The following CLYBL variants were observed in gnomAD, a reference collection of about 807,000 sequenced individuals.
The protein encoded by CLYBL is citramalyl-CoA lyase, mitochondrial.
Under a neutral mutation model 38.9 loss-of-function variants are expected in CLYBL, and 31 were observed. The ratio of observed to expected loss-of-function variants is 0.80; its 90% confidence interval spans 0.60 to 1.08. The LOEUF is 1.08. Among genes scored for constraint, CLYBL ranks in the 50% least tolerant of loss-of-function variants. The probability of loss-of-function intolerance (pLI) is 0.00; values close to 1 mark genes in which losing one functional copy is unlikely to be tolerated. For missense variants in CLYBL, 434 were observed against 411.6 expected (o/e 1.05, Z -0.47); for synonymous variants, 171 against 158.6 (o/e 1.08, Z -0.59).
At chr13:99,612,874 A>G (rs1223671554) in intron 1 of CLYBL, among the ~76,000 whole-genome samples, 1 of 151,666 alleles carries the variant, frequency 6.6e-6, no homozygotes, top group East Asian at 1.9e-4. Flanking sequence ...AGTTAGCTGG[A>G]TGTGGTGGCT....
chr13:99,627,587 T>C lies in CLYBL; in HGVS notation c.62+20830T>C, dbSNP rs1197197391. Among the ~76,000 whole-genome samples the C allele has an allele frequency of 1.7e-4, 26 of 152,248 alleles. 1 individual carries two copies. On this transcript the variant is annotated intron_variant, in intron 1 of 8. Coordinates refer to ENST00000339105, the MANE Select transcript of CLYBL (RefSeq NM_206808.5). ...CACTTATGTGGCATTTTGTTTTATT[T>C]GAATTTGAAATTTTTTTTAAGTTTT...
chr13:99,714,218 G>A (rs1056519773), intron 1 of CLYBL, among the ~76,000 whole-genome samples: 7 of 152,030 alleles, frequency 4.6e-5, no homozygotes, highest in Non-Finnish European at 4.4e-5. Context: ...TGCATTGTCC[G>A]TTTCTCTTGA....
chr13:99,734,725 G>A (rs1188777038), intron 1 of CLYBL, among the ~76,000 whole-genome samples: 1 of 152,104 alleles, frequency 6.6e-6, no homozygotes, highest in Non-Finnish European at 1.5e-5. Context: ...CCCATGTACT[G>A]CCCATTTTTG....
At position 99,724,777 on chromosome 13, in the gene CLYBL, CTT is replaced by C. The variant is rs2048445803; in HGVS notation, c.63-48045_63-48044del. On this transcript the variant is annotated intron_variant, in intron 1 of 8. Transcript: ENST00000339105. Reference sequence around the variant, plus strand: ...AAAAAGTTAGAGATGTCTTAGGACACTTTGTTCTTATATTCAGGAACAATCTT... The same window carrying C: ...AAAAAGTTAGAGATGTCTTAGGACACTGTTCTTATATTCAGGAACAATCTT... Among the ~76,000 whole-genome samples the C allele has an allele frequency of 4.6e-5, 7 of 152,300 alleles. No individual in the cohort carries two copies. In the South Asian group the frequency reaches 1.4e-3, roughly 32 times the overall value.
chr13:99,715,399 TTTTTTC>T (rs982309776), intron 1 of CLYBL, among the ~76,000 whole-genome samples: 1 of 151,798 alleles, frequency 6.6e-6, no homozygotes, highest in African/African-American at 2.4e-5. Flanking sequence ...GAGATTTTCT[TTTTTTC>T]TTTTTCTTTT....
chr13:99,706,420 G>A (rs1041156570), intron 1 of CLYBL, among the ~76,000 whole-genome samples: 1 of 152,096 alleles, frequency 6.6e-6, no homozygotes. Context: ...AGTCTCCTGG[G>A]GTTCCAGTTA....
chr13:99,874,897 G>C (rs1162750419), intron 7 of CLYBL, among the ~76,000 whole-genome samples: 1 of 152,158 alleles, frequency 6.6e-6, no homozygotes, highest in Non-Finnish European at 1.5e-5. Flanking sequence ...AGAATGCGAA[G>C]GAATAGCACA....
intron 1 of CLYBL, among the ~76,000 whole-genome samples, chr13:99,636,389 G>A (rs999057646): frequency 6.6e-6 from 1 of 152,214 alleles, no homozygotes; most frequent in African/African-American, 2.4e-5. Flanking sequence ...GTTAGCTCCT[G>A]ATGCTTGAAA....
At chr13:99,860,044 T>C (rs2051561877) in intron 3 of CLYBL, among the ~76,000 whole-genome samples, 1 of 152,130 alleles carries the variant, frequency 6.6e-6, no homozygotes, top group South Asian at 2.1e-4. Flanking sequence ...ATGCACCCGA[T>C]GTGTGAGGTC....
chr13:99,761,548 G>A (rs1342801530), intron 1 of CLYBL, among the ~76,000 whole-genome samples: 3 of 152,028 alleles, frequency 2.0e-5, no homozygotes, highest in Admixed American at 6.5e-5. Context: ...ACACATTCAC[G>A]TAACAGTTTC....
At chr13:99,737,027 C>T (rs1183256873) in intron 1 of CLYBL, among the ~76,000 whole-genome samples, 1 of 152,028 alleles carries the variant, frequency 6.6e-6, no homozygotes, top group Non-Finnish European at 1.5e-5. Context: ...AGACAATATA[C>T]ATAGATAATC....
At chr13:99,892,039 C>G (rs779491417) in intron 8 of CLYBL, 4 of 152,194 alleles carry the variant, frequency 2.6e-5, no homozygotes, top group African/African-American at 9.6e-5. Context: ...AACCGCTAGA[C>G]GATGAACACG....
At chr13:99,892,061 C>T (rs2052502825) in intron 8 of CLYBL, 1 of 152,218 alleles carries the variant, frequency 6.6e-6, no homozygotes, top group African/African-American at 2.4e-5. Flanking sequence ...AAGCTGTCAT[C>T]CTGGGTGAAT....
intron 2 of CLYBL, among the ~76,000 whole-genome samples, chr13:99,798,901 C>A (rs997820323): frequency 2.6e-5 from 4 of 152,110 alleles, no homozygotes; most frequent in Non-Finnish European, 4.4e-5. Context: ...ATTTTTAAAT[C>A]CTGGGAAACA....
At chr13:99,694,514 A>G (rs1342739576) in intron 1 of CLYBL, among the ~76,000 whole-genome samples, 2 of 152,200 alleles carry the variant, frequency 1.3e-5, no homozygotes, top group Admixed American at 6.5e-5. Context: ...GGCCACCTCT[A>G]TAAATGGCTG....
Position 99,684,828 on chromosome 13 carries a change from C to T in CLYBL, c.62+78071C>T, listed in dbSNP as rs2047794155. 2.0e-5 allele frequency among the ~76,000 whole-genome samples: 3 copies of T among 152,262 alleles called. No homozygotes were observed. In the South Asian group the frequency reaches 6.2e-4, roughly 32 times the overall value. On this transcript the variant is annotated intron_variant, in intron 1 of 8. Coordinates refer to ENST00000339105, the MANE Select transcript of CLYBL (RefSeq NM_206808.5). ...CATGGGTTGGAGTGAACACTTGAAC[C>T]AAAGGTTACTGTATTGTATGTTCCT...
chr13:99,885,812 T>G (rs1350503110), intron 7 of CLYBL, among the ~76,000 whole-genome samples: 1 of 152,142 alleles, frequency 6.6e-6, no homozygotes, highest in Non-Finnish European at 1.5e-5. Context: ...TGAGAGTGTC[T>G]CCGGGAGCAT....
chr13:99,735,571 G>A (rs995670455), intron 1 of CLYBL, among the ~76,000 whole-genome samples: 3 of 151,962 alleles, frequency 2.0e-5, no homozygotes, highest in Non-Finnish European at 4.4e-5. Flanking sequence ...GTGCAGTGCA[G>A]TGCCCTGAGA....
At chr13:99,659,593 C>T (rs2139327091) in intron 1 of CLYBL, among the ~76,000 whole-genome samples, 1 of 152,258 alleles carries the variant, frequency 6.6e-6, no homozygotes, top group South Asian at 2.1e-4. Context: ...TGGCAAAAGT[C>T]ATTTATTTAA....
Sources: allele counts gnomAD v4.1 joint callset (sites outside exome capture counted in the v4.1 genomes callset), GRCh38; gene constraint gnomAD v4.1.1; transcripts MANE v1.5; gene names NCBI Gene and HGNC (gene_info 2026-07-23, HGNC 2026-07-21).